The following SNRPN variants were observed in gnomAD, a reference collection of about 807,000 sequenced individuals.
SNRPN encodes the protein small nuclear ribonucleoprotein-associated protein N.
In SNRPN, 7 loss-of-function variants were observed where a neutral mutation model predicts 25.2. That is an observed-to-expected ratio of 0.28 (90% CI 0.16 to 0.52). SNRPN has a LOEUF of 0.52. SNRPN is among the 20% of genes least tolerant of loss of function. The pLI is 0.96. For missense variants in SNRPN, 196 were observed against 322.5 expected (o/e 0.61, Z 3.00); for synonymous variants, 124 against 110.6 (o/e 1.12, Z -0.76).
intron 3 of SNRPN, among the ~76,000 whole-genome samples, chr15:24,930,629 C>T (rs1313756712): frequency 1.3e-5 from 2 of 149,408 alleles, no homozygotes; most frequent in African/African-American, 4.9e-5. Flanking sequence ...CAGTGGCTCA[C>T]GCCTGTAATC....
upstream of SNRPN, among the ~76,000 whole-genome samples, chr15:24,950,900 C>T (rs1378379661): frequency 6.7e-6 from 1 of 150,048 alleles, no homozygotes; most frequent in Non-Finnish European, 1.5e-5. Flanking sequence ...CCTGCTCTGT[C>T]GCCCAGGCTG....
At chr15:24,846,594 T>A (rs1375980561) in intron 2 of SNRPN, among the ~76,000 whole-genome samples, 1 of 152,154 alleles carries the variant, frequency 6.6e-6, no homozygotes, top group South Asian at 2.1e-4. Context: ...TAATTTATGA[T>A]TGAATAAAGT....
At chr15:24,855,509 GC>G (rs767406863), upstream of SNRPN, among the ~76,000 whole-genome samples, 13 of 152,040 alleles carry the variant, frequency 8.6e-5, no homozygotes, top group Admixed American at 2.0e-4. Context: ...TTACTCTAGG[GC>G]CAGGCGCAGT....
chr15:24,862,977 T>A (rs2054136278), intron 1 of SNRPN, among the ~76,000 whole-genome samples: 1 of 151,014 alleles, frequency 6.6e-6, no homozygotes, highest in South Asian at 2.1e-4. Flanking sequence ...AGGACAGCTC[T>A]GGAAGTGATG....
intron 2 of SNRPN, among the ~76,000 whole-genome samples, chr15:24,897,577 C>G (rs1282575440): frequency 6.6e-6 from 1 of 152,138 alleles, no homozygotes; most frequent in Non-Finnish European, 1.5e-5. Flanking sequence ...AACGTGAGAC[C>G]TTGTGATATG....
chr15:24,835,042 A>AGATATATAG lies in SNRPN; in HGVS notation c.-579+5137_-579+5138insGATATATAG, dbSNP rs1239247335. On this transcript the variant is annotated intron_variant, in intron 2 of 12. Transcript: ENST00000400100. Reference sequence around the variant, plus strand: ...TAAAATAGATATATATAGTATATATATCTATATATAAAAATATAGATATAT... The same window carrying AGATATATAG: ...TAAAATAGATATATATAGTATATATAGATATATAGTCTATATATAAAAATATAGATATAT... Among the ~76,000 whole-genome samples, 4 of 50,816 alleles carry AGATATATAG rather than the reference A, an allele frequency of 7.9e-5. 2 individuals are homozygous for AGATATATAG. Among genetic ancestry groups the AGATATATAG allele is most frequent in the African/African-American group, 2.6e-4 (4 of 15,162 alleles). The allele number at this position is 50,816 out of a possible 152,430, so 33.3% of individuals were successfully genotyped here. A position where few individuals can be genotyped will look rare whatever the true frequency, so the allele number is the denominator to read the frequency against.
intron 2 of SNRPN, chr15:24,848,270 G>T (rs1341346468): frequency 1.3e-5 from 2 of 148,358 alleles, no homozygotes; most frequent in African/African-American, 4.9e-5. Context: ...GCGGGGGCGG[G>T]GGCAGATCCT....
intron 3 of SNRPN, among the ~76,000 whole-genome samples, chr15:24,923,956 A>G (rs777383348): frequency 1.1e-4 from 11 of 97,632 alleles, no homozygotes; most frequent in East Asian, 3.4e-4. Flanking sequence ...TTTGAGATGG[A>G]GTCTCACTCT....
chr15:24,944,831 G>A (rs1236332988), intron 3 of SNRPN, among the ~76,000 whole-genome samples: 1 of 152,124 alleles, frequency 6.6e-6, no homozygotes, highest in Non-Finnish European at 1.5e-5. Flanking sequence ...TTCAGAGCAG[G>A]CTATGGATTC....
chr15:24,898,090 C>T (rs975240274), intron 2 of SNRPN, among the ~76,000 whole-genome samples: 1 of 152,080 alleles, frequency 6.6e-6, no homozygotes, highest in Admixed American at 6.5e-5. Context: ...ATGGCAATTA[C>T]TCATTTGGAC....
At chr15:24,895,918 G>A (rs180876582) in intron 2 of SNRPN, among the ~76,000 whole-genome samples, 9 of 152,266 alleles carry the variant, frequency 5.9e-5, no homozygotes, top group Admixed American at 1.3e-4. Context: ...ATGAGAACAA[G>A]GTCTTTCAAT....
At position 24,831,164 on chromosome 15, in the gene SNRPN, G is replaced by A. The variant is rs138204884; in HGVS notation, c.-579+1259G>A. 2.8e-3 allele frequency among the ~76,000 whole-genome samples: 423 copies of A among 151,998 alleles called. 2 individuals are homozygous for A. The highest frequency in any genetic ancestry group is 4.3e-3 in the Admixed American group (65 of 15,260). ...GATCATTATATTTTCTTGGAAAATCGATCCCTTTATTATCACATAAGGTCT... is the reference window on the plus strand; with the variant it reads ...GATCATTATATTTTCTTGGAAAATCAATCCCTTTATTATCACATAAGGTCT... On this transcript the variant is annotated intron_variant, in intron 2 of 12. Transcript: ENST00000400100.
At chr15:24,893,829 A>C (rs1243339443) in intron 2 of SNRPN, among the ~76,000 whole-genome samples, 1 of 152,062 alleles carries the variant, frequency 6.6e-6, no homozygotes, top group Non-Finnish European at 1.5e-5. Context: ...CCTTGTTATG[A>C]CATCATTACG....
intron 1 of SNRPN, among the ~76,000 whole-genome samples, chr15:24,865,515 G>C (rs1468370391): frequency 6.6e-6 from 1 of 152,140 alleles, no homozygotes; most frequent in Admixed American, 6.5e-5. Flanking sequence ...TGCAATCAAG[G>C]CTGTAGCGAT....
chr15:24,967,522 G>C (rs1203671131), intron 2 of SNRPN, among the ~76,000 whole-genome samples: 6 of 151,956 alleles, frequency 3.9e-5, no homozygotes, highest in Non-Finnish European at 7.4e-5. Flanking sequence ...GGCACCTGTA[G>C]TCTCAGCTAC....
chr15:24,906,844 G>C (rs552201097), intron 2 of SNRPN, among the ~76,000 whole-genome samples: 1 of 152,124 alleles, frequency 6.6e-6, no homozygotes, highest in Non-Finnish European at 1.5e-5. Context: ...TTTCTAATTA[G>C]GTTTTTTCTT....
chr15:24,943,363 AC>A (rs1390548306), intron 3 of SNRPN, among the ~76,000 whole-genome samples: 1 of 152,014 alleles, frequency 6.6e-6, no homozygotes. Flanking sequence ...CCATCTGTAA[AC>A]CAGGCCTGAG....
At chr15:24,939,812 CAG>C (rs1175791062) in intron 3 of SNRPN, among the ~76,000 whole-genome samples, 1 of 137,232 alleles carries the variant, frequency 7.3e-6, no homozygotes, top group East Asian at 2.3e-4. Flanking sequence ...CTTTTTGATA[CAG>C]AGTCTCACTC....
chr15:24,878,572 C>A (rs2056241261), intron 1 of SNRPN, among the ~76,000 whole-genome samples: 2 of 152,198 alleles, frequency 1.3e-5, no homozygotes, highest in South Asian at 4.1e-4. Flanking sequence ...TAAAAATTTG[C>A]TTTCTAGGCT....
Sources: gnomAD v4.1 joint callset for allele counts (sites outside exome capture counted in the v4.1 genomes callset) on GRCh38, gnomAD v4.1.1 for gene constraint, MANE v1.5 for transcripts, NCBI Gene and HGNC (gene_info 2026-07-23, HGNC 2026-07-21) for gene names.